MMP16: variants seen among roughly 807,000 people sequenced by gnomAD.
MMP16 encodes matrix metalloproteinase-16.
Under a neutral mutation model 67.8 loss-of-function variants are expected in MMP16, and 12 were observed. That is an observed-to-expected ratio of 0.18 (90% confidence interval 0.11 to 0.29). The LOEUF (loss-of-function observed/expected upper bound fraction) is 0.29, where lower values mean the gene tolerates loss of function less well. MMP16 is among the 10% of genes least tolerant of loss of function. The probability of loss-of-function intolerance (pLI) is 1.00; values close to 1 mark genes in which losing one functional copy is unlikely to be tolerated. For synonymous variants in MMP16, 249 were observed against 255.9 expected (o/e 0.97, Z 0.26); for missense variants, 475 against 765.7 (o/e 0.62, Z 4.48).
chr8:88,204,892 A>C (rs537117038), intron 1 of MMP16, among the ~76,000 whole-genome samples: 2 of 152,282 alleles, frequency 1.3e-5, no homozygotes, highest in South Asian at 4.1e-4. Flanking sequence ...TCCATCATGC[A>C]CTACTGAAGC....
chr8:88,101,595 A>C (rs570678373), intron 6 of MMP16, among the ~76,000 whole-genome samples: 1 of 151,932 alleles, frequency 6.6e-6, no homozygotes, highest in Non-Finnish European at 1.5e-5. Flanking sequence ...ACTACACTTC[A>C]CTGGTAAGCA....
chr8:88,283,580 T>C (rs1009658550), intron 1 of MMP16, among the ~76,000 whole-genome samples: 2 of 152,294 alleles, frequency 1.3e-5, no homozygotes, highest in East Asian at 1.9e-4. Context: ...ACTCTCTCTA[T>C]TTATGGATGT....
intron 1 of MMP16, among the ~76,000 whole-genome samples, chr8:88,254,346 C>G (rs193176106): frequency 3.0e-3 from 451 of 151,816 alleles, no homozygotes; most frequent in Non-Finnish European, 5.2e-3. Context: ...GGAAAAATAA[C>G]TAATGGGTAC....
intron 3 of MMP16, among the ~76,000 whole-genome samples, chr8:88,174,174 A>C (rs1808848227): frequency 6.6e-6 from 1 of 152,218 alleles, no homozygotes; most frequent in Non-Finnish European, 1.5e-5. Flanking sequence ...GGATTAATAT[A>C]CTGGAAAAAT....
intron 4 of MMP16, among the ~76,000 whole-genome samples, chr8:88,140,154 G>A (rs1328879966): frequency 6.6e-6 from 1 of 152,098 alleles, no homozygotes; most frequent in Non-Finnish European, 1.5e-5. Flanking sequence ...TTCAAGGTAA[G>A]TGGCTCACTC....
chr8:88,116,616 G>A lies in MMP16; in HGVS notation c.974C>T (p.Pro325Leu). The A allele has an allele frequency of 6.2e-7, 1 of 1,613,884 alleles. No individual in the cohort carries two copies. The highest frequency in any genetic ancestry group is 1.1e-5 in the South Asian group (1 of 91,082). Residue 325 changes from proline to leucine, a missense_variant, in exon 6 of 10, where the codon CCT becomes CTT. Around this residue, in one of 5 missense-constraint regions of MMP16, gnomAD observed 195 missense variants for 300.9 expected, o/e 0.65. Coordinates refer to ENST00000286614, the MANE Select transcript of MMP16 (RefSeq NM_005941.5). Reference sequence around the variant, plus strand: ...GGGTCTGCCGGTTGGAGGCCGAGGAGGTTTTGGCCTGTCATTTTTCCTTGG... The same window carrying A: ...GGGTCTGCCGGTTGGAGGCCGAGGAAGTTTTGGCCTGTCATTTTTCCTTGG... ...ADPRKNDRPKPPRPPTGRPSY... is the reference protein window; with the variant it reads ...ADPRKNDRPKLPRPPTGRPSY...
In MMP16 at chr8:88,171,246, A is replaced by G. The variant is rs115846515; in HGVS notation, c.405-3273T>C. Among the ~76,000 whole-genome samples, 573 of 152,332 alleles carry G rather than the reference A, an allele frequency of 3.8e-3. 6 individuals are homozygous for G. The highest frequency in any genetic ancestry group is 0.012 in the African/African-American group (501 of 41,580). ...ATGCTTAACTACATTATATATGATT[A>G]CCATTAGTAAATACAAGATACCTGT... is the stretch of plus-strand genomic sequence containing the variant. On this transcript the variant is annotated intron_variant, in intron 3 of 9. Coordinates refer to ENST00000286614, the MANE Select transcript of MMP16 (RefSeq NM_005941.5).
chr8:88,232,457 C>T (rs1316429692), intron 1 of MMP16, among the ~76,000 whole-genome samples: 1 of 152,102 alleles, frequency 6.6e-6, no homozygotes, highest in East Asian at 1.9e-4. Context: ...GGAGAGCTCT[C>T]ATTACTATAT....
chr8:88,104,029 T>C (rs1392170611), intron 6 of MMP16, among the ~76,000 whole-genome samples: 1 of 151,788 alleles, frequency 6.6e-6, no homozygotes, highest in East Asian at 1.9e-4. Flanking sequence ...CCAATGAATA[T>C]TTTAAAAGGT....
At chr8:88,229,253 A>C (rs933519725) in intron 1 of MMP16, among the ~76,000 whole-genome samples, 5 of 152,158 alleles carry the variant, frequency 3.3e-5, no homozygotes, top group African/African-American at 4.8e-5. Flanking sequence ...ATACGTGTAT[A>C]TATAACTCTT....
chr8:88,168,093 C>T (rs952945042), intron 3 of MMP16, 120 bp from the exon 4 acceptor site: 38 of 684,290 alleles, frequency 5.6e-5, no homozygotes, highest in African/African-American at 5.4e-4. Context: ...AGGAATAACA[C>T]GTATTCATTC....
chr8:88,041,704 C>T lies in MMP16; in HGVS notation c.1581G>A (p.Lys527=). 1 of 1,613,992 alleles carries T rather than the reference C, an allele frequency of 6.2e-7. No individual in the cohort carries two copies. The highest frequency in any genetic ancestry group is 8.5e-7 in the Non-Finnish European group (1 of 1,179,960). ...TTGGTCCATCACAGCCCATAAAATCCTTGAGGATGGATCTTGGATATCCAG... is the reference window on the plus strand; with the variant it reads ...TTGGTCCATCACAGCCCATAAAATCTTTGAGGATGGATCTTGGATATCCAG... ...VEPGYPRSIL[K]DFMGCDGPTD... Residue 527 remains lysine (K), a synonymous_variant, in exon 10 of 10, where the codon AAG becomes AAA. Transcript: ENST00000286614. The surrounding 1 kb of genome is among the most constrained non-coding windows in gnomAD (Gnocchi z 6.0).
chr8:88,141,268 A>T (rs1160500709), intron 4 of MMP16, among the ~76,000 whole-genome samples: 1 of 152,232 alleles, frequency 6.6e-6, no homozygotes, highest in Non-Finnish European at 1.5e-5. Context: ...AATAGGCACA[A>T]AGGCAGAAAA....
intron 1 of MMP16, among the ~76,000 whole-genome samples, chr8:88,323,535 CA>C (rs987183377): frequency 2.0e-5 from 3 of 151,950 alleles, no homozygotes; most frequent in Non-Finnish European, 4.4e-5. Context: ...TTTTTTGTCA[CA>C]AAAGAGTAAT....
intron 2 of MMP16, among the ~76,000 whole-genome samples, chr8:88,190,213 CTA>C (rs1271206139): frequency 2.0e-5 from 3 of 152,110 alleles, no homozygotes; most frequent in Admixed American, 1.3e-4. Flanking sequence ...TGAGAATACT[CTA>C]TGTTAACTTC....
At chr8:88,101,136 A>G (rs1809137293) in intron 6 of MMP16, among the ~76,000 whole-genome samples, 1 of 151,890 alleles carries the variant, frequency 6.6e-6, no homozygotes, top group South Asian at 2.1e-4. Context: ...AAAAAATAAA[A>G]TAAAAATTAA....
chr8:88,280,582 TTTTG>T (rs1412293248), intron 1 of MMP16, among the ~76,000 whole-genome samples: 14 of 152,180 alleles, frequency 9.2e-5, no homozygotes, highest in African/African-American at 2.9e-4. Context: ...ATTATTTTTA[TTTTG>T]TTTTTCTTTT....
At chr8:88,174,377 T>A (rs2129720184) in intron 3 of MMP16, among the ~76,000 whole-genome samples, 1 of 152,304 alleles carries the variant, frequency 6.6e-6, no homozygotes, top group East Asian at 1.9e-4. Flanking sequence ...AATACAGATC[T>A]ATTTGATAAA....
intron 1 of MMP16, among the ~76,000 whole-genome samples, chr8:88,216,817 G>A (rs1809602294): frequency 6.6e-6 from 1 of 152,022 alleles, no homozygotes; most frequent in East Asian, 1.9e-4. Flanking sequence ...TGCTTAAGGT[G>A]GTATCTGCAA....
Sources: allele counts gnomAD v4.1 joint callset (sites outside exome capture counted in the v4.1 genomes callset), GRCh38; gene constraint gnomAD v4.1.1; regional missense constraint gnomAD v4.1.1; non-coding constraint Gnocchi (gnomAD v3.1); transcripts MANE v1.5; gene names NCBI Gene and HGNC (gene_info 2026-07-23, HGNC 2026-07-21).